The following CSF2RA variants were observed in gnomAD, a reference collection of about 807,000 sequenced individuals.
CSF2RA encodes granulocyte-macrophage colony-stimulating factor receptor subunit alpha.
A neutral mutation model predicts 51.6 loss-of-function variants in CSF2RA; 42 were observed. The ratio of observed to expected loss-of-function variants is 0.81; its 90% CI spans 0.64 to 1.05. CSF2RA has a LOEUF of 1.05. CSF2RA is among the 50% of genes least tolerant of loss of function. The pLI, the probability that CSF2RA is intolerant of heterozygous loss-of-function variation, is 0.00. For missense variants in CSF2RA, 530 were observed against 501.1 expected (o/e 1.06, Z -0.55); for synonymous variants, 222 against 193.0 (o/e 1.15, Z -1.24).
At chrX:1,323,157 T>TAAAA in the CSF2RA span, among the ~76,000 whole-genome samples, 1 of 30,444 alleles carries the variant, frequency 3.3e-5, no homozygotes, top group Non-Finnish European at 7.1e-5. Context: ...TACATTACAA[T>TAAAA]TATAAAATAA....
chrX:1,289,773 GT>G (rs1396143662), intron 6 of CSF2RA, among the ~76,000 whole-genome samples: 26 of 117,748 alleles, frequency 2.2e-4, no homozygotes, highest in Non-Finnish European at 4.3e-4. Flanking sequence ...GTGTTTTTGT[GT>G]TTTTGTTTCA....
downstream of CSF2RA, among the ~76,000 whole-genome samples, chrX:1,314,868 C>T (rs867706381): frequency 0.012 from 736 of 61,054 alleles, 15 homozygotes; most frequent in Non-Finnish European, 0.016. Flanking sequence ...ACCTGCCCAA[C>T]CGCACTGCAC....
the CSF2RA span, among the ~76,000 whole-genome samples, chrX:1,324,693 C>A: frequency 3.3e-5 from 5 of 152,136 alleles, no homozygotes; most frequent in African/African-American, 1.2e-4. Context: ...CCCAGCAGGG[C>A]CGCTTGGGCA....
At chrX:1,320,784 T>G in the CSF2RA span, among the ~76,000 whole-genome samples, 1 of 151,584 alleles carries the variant, frequency 6.6e-6, no homozygotes, top group African/African-American at 2.4e-5. Flanking sequence ...GTGCTGGGAT[T>G]ACAGGCATGA....
intron 4 of CSF2RA, among the ~76,000 whole-genome samples, chrX:1,286,901 G>A (rs2090742806): frequency 6.6e-6 from 1 of 152,046 alleles, no homozygotes; most frequent in African/African-American, 2.4e-5. Flanking sequence ...TTAAGGTCAG[G>A]GTTTTTGGAA....
At chrX:1,314,242 C>CA (rs1569514665), downstream of CSF2RA, among the ~76,000 whole-genome samples, 5 of 109,182 alleles carry the variant, frequency 4.6e-5, no homozygotes, top group East Asian at 2.4e-4. Flanking sequence ...CCTGCCCAAC[C>CA]CCACTGCACC....
In CSF2RA at chrX:1,290,651, G is replaced by A. The variant is rs2091312401; in HGVS notation, c.646+142G>A. ...AGGCCGAGGCGGGCCGATCACCTGA[G>A]ATCGGGTGTTCAAAACCAGCCTGAC... On this transcript the variant is annotated intron_variant, in intron 7 of 12. Transcript: ENST00000381529. The A allele has an allele frequency of 3.5e-6, 3 of 851,778 alleles. No individual in the cohort carries two copies. The South Asian group carries it at 4.1e-5, about 12-fold the overall frequency. 52.8% of individuals were successfully genotyped at this position (851,778 alleles called of 1,614,324 possible).
At chrX:1,309,309 C>T (rs1231577553) in intron 12 of CSF2RA, 93 bp from the exon 13 acceptor site, 43 of 1,310,160 alleles carry the variant, frequency 3.3e-5, no homozygotes, top group South Asian at 2.0e-4. Context: ...AATGAGACTC[C>T]GTCTCGAGGG....
intron 4 of CSF2RA, among the ~76,000 whole-genome samples, chrX:1,288,140 G>A (rs1422981532): frequency 3.3e-5 from 5 of 151,890 alleles, no homozygotes; most frequent in African/African-American, 9.7e-5. Context: ...AGCTTAGGGG[G>A]ATGATTTCAC....
At chrX:1,280,738 T>A (rs1290452287) in intron 2 of CSF2RA, among the ~76,000 whole-genome samples, 1 of 149,376 alleles carries the variant, frequency 6.7e-6, no homozygotes, top group Admixed American at 6.7e-5. Context: ...TTCCTCCTCC[T>A]TCTCCTCCTC....
chrX:1,305,768 G>A (rs1220389089), intron 12 of CSF2RA: 3 of 1,551,406 alleles, frequency 1.9e-6, no homozygotes, highest in Admixed American at 2.0e-5. Flanking sequence ...CAGGGTGGTG[G>A]TCAAGAAAAG....
At chrX:1,284,572 A>C (rs2090419469) in intron 3 of CSF2RA, among the ~76,000 whole-genome samples, 1 of 149,494 alleles carries the variant, frequency 6.7e-6, no homozygotes, top group African/African-American at 2.5e-5. Context: ...GGACTGCAGA[A>C]ATACACCACC....
intron 10 of CSF2RA, among the ~76,000 whole-genome samples, chrX:1,301,323 C>A (rs1198221072): frequency 1.1e-5 from 1 of 94,868 alleles, no homozygotes; most frequent in Non-Finnish European, 1.9e-5. Context: ...CAGAGTGAGA[C>A]TCTGTCTCAA....
At chrX:1,278,179 C>T (rs28752270) in intron 2 of CSF2RA, among the ~76,000 whole-genome samples, 35,720 of 143,478 alleles carry the variant, frequency 0.25, 4,279 homozygotes, top group African/African-American at 0.38. Flanking sequence ...ACTAAAAATA[C>T]AAAAATTAGC....
chrX:1,280,874 T>TTCTCCTGCTCCTCCTCCTCCTCCTC (rs1569494246), intron 2 of CSF2RA, among the ~76,000 whole-genome samples: 3 of 37,934 alleles, frequency 7.9e-5, no homozygotes, highest in Admixed American at 5.0e-4. Flanking sequence ...TCCTCCTCCT[T>TTCTCCTGCTCCTCCTCCTCCTCCTC]CTCCTGCTCC....
At chrX:1,306,601 C>A (rs146283730) in intron 12 of CSF2RA, among the ~76,000 whole-genome samples, 2,557 of 151,890 alleles carry the variant, frequency 0.017, 68 homozygotes, top group African/African-American at 0.058. Context: ...GAGCCGAGAT[C>A]GCACCATTGC....
downstream of CSF2RA, among the ~76,000 whole-genome samples, chrX:1,315,027 G>GAA: frequency 6.6e-6 from 1 of 152,036 alleles, no homozygotes. Flanking sequence ...CAACCACACT[G>GAA]CACCAAAGGA....
chrX:1,269,963 G>C (rs1282918127), intron 1 of CSF2RA, among the ~76,000 whole-genome samples: 1 of 151,814 alleles, frequency 6.6e-6, no homozygotes, highest in African/African-American at 2.4e-5. Context: ...GAAAAAATTA[G>C]CTAGGTGTGG....
intron 12 of CSF2RA, among the ~76,000 whole-genome samples, chrX:1,306,605 C>T (rs1182748370): frequency 6.6e-6 from 1 of 151,954 alleles, no homozygotes; most frequent in African/African-American, 2.4e-5. Context: ...CGAGATCGCA[C>T]CATTGCACTC....
Sources: allele counts gnomAD v4.1 joint callset (sites outside exome capture counted in the v4.1 genomes callset), GRCh38; gene constraint gnomAD v4.1.1; transcripts MANE v1.5; gene names NCBI Gene and HGNC (gene_info 2026-07-23, HGNC 2026-07-21).